QSER1: variants seen among roughly 807,000 people sequenced by gnomAD.
The protein encoded by QSER1 is glutamine and serine rich 1, also known as glutamine and serine-rich protein 1.
QSER1 carries 49 observed loss-of-function variants against 158.5 expected under a neutral mutation model. That is an observed-to-expected ratio of 0.31 (90% CI 0.25 to 0.39). The LOEUF is 0.39. QSER1 is among the 10% of genes least tolerant of loss of function. The pLI, the probability that QSER1 is intolerant of heterozygous loss-of-function variation, is 1.00. For synonymous variants in QSER1, 650 were observed against 715.5 expected (o/e 0.91, Z 1.46); for missense variants, 1,754 against 2,010.3 (o/e 0.87, Z 2.44).
intron 4 of QSER1, among the ~76,000 whole-genome samples, chr11:32,937,440 A>G (rs1189539162): frequency 6.6e-6 from 1 of 151,870 alleles, no homozygotes. Context: ...ACATGCCACC[A>G]TGCCTGGCTA....
At chr11:32,926,091 T>TA (rs1435683427) in intron 1 of QSER1, 1 of 152,056 alleles carries the variant, frequency 6.6e-6, no homozygotes, top group African/African-American at 2.4e-5. Flanking sequence ...CCTGTCTTCT[T>TA]AAGACAAATC....
At chr11:32,960,799 T>C (rs980277919) in intron 8 of QSER1, among the ~76,000 whole-genome samples, 3 of 152,212 alleles carry the variant, frequency 2.0e-5, no homozygotes, top group South Asian at 2.1e-4. Context: ...CAAACATTTT[T>C]AGGCCTTTTT....
At chr11:32,966,898 G>A (rs1265464695) in intron 9 of QSER1, among the ~76,000 whole-genome samples, 2 of 151,984 alleles carry the variant, frequency 1.3e-5, no homozygotes, top group African/African-American at 4.8e-5. Context: ...AAATGCACTG[G>A]GTTATACCAA....
chr11:32,938,760 A>C (rs1236684828), intron 4 of QSER1, among the ~76,000 whole-genome samples: 1 of 152,144 alleles, frequency 6.6e-6, no homozygotes, highest in Non-Finnish European at 1.5e-5. Flanking sequence ...TTTTCTAGTA[A>C]AGTTTGTGAT....
chr11:32,899,237 T>C (rs893465449), intron 1 of QSER1, among the ~76,000 whole-genome samples: 4 of 152,220 alleles, frequency 2.6e-5, no homozygotes, highest in East Asian at 1.9e-4. Context: ...TACATACTTA[T>C]ATCATGAAAG....
chr11:32,893,553 G>T lies in QSER1; in HGVS notation c.209+219G>T, dbSNP rs1851514261. On this transcript the variant is annotated intron_variant, in intron 1 of 12. Transcript: ENST00000650167. The surrounding 1 kb of genome is among the most constrained non-coding windows in gnomAD (Gnocchi z 4.7). ...GGATTCGCGCCTGGGGACGGCGGGT[G>T]AAGGAATAGCTGGGCGGGAGTCGTG... Among the ~76,000 whole-genome samples, 1 of 152,200 alleles carries T rather than the reference G, an allele frequency of 6.6e-6. No individual in the cohort carries two copies. The highest frequency in any genetic ancestry group is 1.5e-5 in the Non-Finnish European group (1 of 68,036).
At chr11:32,969,927 C>T (rs1340270253) in intron 10 of QSER1, among the ~76,000 whole-genome samples, 1 of 152,134 alleles carries the variant, frequency 6.6e-6, no homozygotes, top group Non-Finnish European at 1.5e-5. Flanking sequence ...TCAGATGATC[C>T]GCCCACCTTG....
rs1852983697 is a variant in QSER1, at chr11:32,976,664, C to T, written c.*190C>T. ...ACGAAGTTAGTCCTCTGGAAATGGACCTAAATCCCACCACATTTTTACCCT... is the reference window on the plus strand; with the variant it reads ...ACGAAGTTAGTCCTCTGGAAATGGATCTAAATCCCACCACATTTTTACCCT... On this transcript the variant is annotated 3_prime_UTR_variant, in exon 13 of 13. Transcript: ENST00000650167. 1 of 546,674 alleles carries T rather than the reference C, an allele frequency of 1.8e-6. No individual in the cohort carries two copies. Among genetic ancestry groups the T allele is most frequent in the African/African-American group, 2.0e-5 (1 of 49,388 alleles). 33.9% of individuals were successfully genotyped at this position (546,674 alleles called of 1,614,324 possible).
intron 4 of QSER1, among the ~76,000 whole-genome samples, chr11:32,950,321 T>A (rs914741992): frequency 5.3e-5 from 8 of 152,140 alleles, no homozygotes; most frequent in African/African-American, 1.9e-4. Context: ...CTTGAACTCC[T>A]GACCTTAAGT....
chr11:32,951,813 A>G (rs1852426481), intron 4 of QSER1, among the ~76,000 whole-genome samples: 2 of 150,146 alleles, frequency 1.3e-5, no homozygotes, highest in East Asian at 2.0e-4. Flanking sequence ...TTTAGTTCTA[A>G]TAGTTTTTTA....
chr11:32,925,498 A>T (rs11032061), intron 1 of QSER1, among the ~76,000 whole-genome samples: 12,181 of 78,102 alleles, frequency 0.16, 568 homozygotes, highest in South Asian at 0.21. Context: ...TCGCTTTTTT[A>T]TTTATTTATT....
chr11:32,962,859 A>C (rs1406935859), intron 8 of QSER1, among the ~76,000 whole-genome samples: 1 of 152,174 alleles, frequency 6.6e-6, no homozygotes, highest in Non-Finnish European at 1.5e-5. Flanking sequence ...CTCTTAATTT[A>C]TTTTTAAGAA....
At chr11:32,910,953 A>G (rs1241521267) in intron 1 of QSER1, among the ~76,000 whole-genome samples, 1 of 152,164 alleles carries the variant, frequency 6.6e-6, no homozygotes, top group Non-Finnish European at 1.5e-5. Flanking sequence ...GGGAGGAGAT[A>G]GTACAATGTA....
chr11:32,916,815 C>T (rs1272420323), intron 1 of QSER1, among the ~76,000 whole-genome samples: 1 of 148,560 alleles, frequency 6.7e-6, no homozygotes, highest in African/African-American at 2.5e-5. Flanking sequence ...GTCTCAGAGT[C>T]TCGCTCTGTT....
chr11:32,929,300 C>T (rs1364615167), intron 3 of QSER1, among the ~76,000 whole-genome samples: 6 of 151,550 alleles, frequency 4.0e-5, no homozygotes, highest in Admixed American at 6.6e-5. Flanking sequence ...TTAGTAGAGA[C>T]GGGGTTTCAC....
chr11:32,932,156 T>C lies in QSER1; in HGVS notation c.898T>C (p.Phe300Leu), dbSNP rs1384957998. The change falls in exon 4 of 13, where the codon TTT becomes CTT. Residue 300 changes from phenylalanine to leucine, a missense_variant. Physicochemically the swap from Phe to Leu is conservative, Grantham distance 22. This residue lies in a region of QSER1 where 1,707 missense variants were observed against 1,919.6 expected (regional missense o/e 0.89). Transcript: ENST00000650167. ...TCCTCAAGCCTACAGTTCAACTCTC[T>C]TTACTAGTTCTACTGCTTCCATTGA... Reference protein sequence around the residue: ...QTPQAYSSTLFTSSTASIERA... With the variant: ...QTPQAYSSTLLTSSTASIERA... The C allele has an allele frequency of 6.2e-7, 1 of 1,614,224 alleles. No individual in the cohort carries two copies. The highest frequency in any genetic ancestry group is 2.2e-5 in the East Asian group (1 of 44,888).
At chr11:32,936,801 C>T (rs1852159137) in intron 4 of QSER1, among the ~76,000 whole-genome samples, 1 of 152,182 alleles carries the variant, frequency 6.6e-6, no homozygotes. Context: ...CCCAGCTTCT[C>T]TCTGGACTTG....
In QSER1 at chr11:32,979,480, T is replaced by A. The variant is rs1035012807; in HGVS notation, c.*3006T>A. On this transcript the variant is annotated 3_prime_UTR_variant, in exon 13 of 13. Coordinates refer to ENST00000650167, the MANE Select transcript of QSER1 (RefSeq NM_001076786.3). ...CTTATTTGAACTCTTAAGTCATAAA[T>A]GTATAATGACTTATGAATTAGCACA... 1.3e-4 allele frequency: 20 copies of A among 152,248 alleles called. No individual in the cohort carries two copies. The highest frequency in any genetic ancestry group is 4.8e-4 in the African/African-American group (20 of 41,460). The allele number at this position is 152,248 out of a possible 1,614,324, so 9.4% of individuals were successfully genotyped here. A position where few individuals can be genotyped will look rare whatever the true frequency, so the allele number is the denominator to read the frequency against.
At chr11:32,923,225 TGAC>T (rs1311122304) in intron 1 of QSER1, among the ~76,000 whole-genome samples, 1 of 152,226 alleles carries the variant, frequency 6.6e-6, no homozygotes, top group Non-Finnish European at 1.5e-5. Context: ...TCCATCTATA[TGAC>T]ATTTTGGAAA....
Sources: allele counts gnomAD v4.1 joint callset (sites outside exome capture counted in the v4.1 genomes callset), GRCh38; gene constraint gnomAD v4.1.1; regional missense constraint gnomAD v4.1.1; non-coding constraint Gnocchi (gnomAD v3.1); transcripts MANE v1.5; gene names NCBI Gene and HGNC (gene_info 2026-07-23, HGNC 2026-07-21).